Variants in FETUB observed in about 807,000 individuals in gnomAD.
The protein encoded by FETUB is fetuin B.
In FETUB, 28 loss-of-function variants were observed where a neutral mutation model predicts 30.9. That is an observed-to-expected ratio of 0.90 (90% CI 0.67 to 1.24). The LOEUF is 1.24. Among genes scored for constraint, FETUB ranks in the 50% most tolerant of loss-of-function variants. The pLI is 0.00. For synonymous variants in FETUB, 186 were observed against 175.9 expected, an observed-to-expected ratio of 1.06 and a Z score of -0.45; for missense variants, 469 against 455.3, an observed-to-expected ratio of 1.03 and a Z score of -0.27.
chr3:186,637,285 A>G (rs1168167174), upstream of FETUB, among the ~76,000 whole-genome samples: 1 of 152,194 alleles, frequency 6.6e-6, no homozygotes, highest in African/African-American at 2.4e-5. Context: ...GAAAGGGAAG[A>G]GAGAGAGAAA....
intron 3 of FETUB, among the ~76,000 whole-genome samples, 199 bp downstream of exon 3, chr3:186,642,757 T>G (rs1261061689): frequency 6.6e-6 from 1 of 152,260 alleles, no homozygotes; most frequent in Non-Finnish European, 1.5e-5. Context: ...TTAATCTTAC[T>G]AAACTACCTC....
At chr3:186,650,524 C>T (rs1212316872) in intron 5 of FETUB, among the ~76,000 whole-genome samples, 1 of 151,990 alleles carries the variant, frequency 6.6e-6, no homozygotes, top group Non-Finnish European at 1.5e-5. Context: ...ATTTTAAAAA[C>T]CCTAGAAGAT....
upstream of FETUB, among the ~76,000 whole-genome samples, chr3:186,637,146 C>T (rs1160192105): frequency 6.6e-6 from 1 of 152,176 alleles, no homozygotes; most frequent in Non-Finnish European, 1.5e-5. Flanking sequence ...AGAGAAGGAA[C>T]ACAGAGTGTT....
intron 5 of FETUB, among the ~76,000 whole-genome samples, chr3:186,650,087 A>G (rs932772863): frequency 7.5e-6 from 1 of 132,508 alleles, no homozygotes; most frequent in Admixed American, 9.4e-5. Context: ...TCGGCTTCAC[A>G]TATTTGCTAT....
At position 186,651,201 on chromosome 3, in the gene FETUB, T is replaced by C. The variant is rs1256579853; in HGVS notation, c.697-17T>C. 2 of 1,567,808 alleles carry C rather than the reference T, an allele frequency of 1.3e-6. No individual in the cohort carries two copies. The highest frequency in any genetic ancestry group is 2.2e-5 in the East Asian group (1 of 44,642). On this transcript the variant is annotated splice_polypyrimidine_tract_variant and intron_variant, in intron 5 of 6. Coordinates refer to ENST00000265029, the MANE Select transcript of FETUB (RefSeq NM_014375.3). ...ATCACTGGTAATACTCACATGACAT[T>C]GTATTTTCTCTTTTAGCCTGTTGGT...
intron 5 of FETUB, among the ~76,000 whole-genome samples, chr3:186,649,396 C>A (rs930813627): frequency 1.3e-5 from 2 of 152,042 alleles, no homozygotes; most frequent in Non-Finnish European, 2.9e-5. Flanking sequence ...TATTGCATAG[C>A]GGTGAAGTCT....
chr3:186,637,977 CA>C (rs1716824174), upstream of FETUB, among the ~76,000 whole-genome samples: 1 of 152,178 alleles, frequency 6.6e-6, no homozygotes, highest in Non-Finnish European at 1.5e-5. Context: ...GTGGCTACTC[CA>C]AATTGGGGTA....
At chr3:186,651,663 CTTA>C (rs1326680406) in intron 6 of FETUB, 5 of 243,862 alleles carry the variant, frequency 2.1e-5, no homozygotes, top group Non-Finnish European at 3.2e-5. Context: ...TTATTGCGCA[CTTA>C]TTATAAGGTA....
chr3:186,638,027 C>T (rs557068647), upstream of FETUB, among the ~76,000 whole-genome samples: 22 of 152,194 alleles, frequency 1.4e-4, no homozygotes, highest in Admixed American at 9.2e-4. Flanking sequence ...CTGTGCCTTT[C>T]ATAATTTTTA....
chr3:186,645,032 A>C, intron 4 of FETUB, 112 bp downstream of exon 4: 1 of 753,682 alleles, frequency 1.3e-6, no homozygotes, highest in Non-Finnish European at 2.1e-6. Flanking sequence ...GAACCAAAAT[A>C]CCTTTCTCTA....
chr3:186,637,260 A>G (rs985765528), upstream of FETUB, among the ~76,000 whole-genome samples: 1 of 152,190 alleles, frequency 6.6e-6, no homozygotes, highest in African/African-American at 2.4e-5. Context: ...TGGAAGGAAG[A>G]AAAGATAAAG....
Position 186,651,441 on chromosome 3 carries a change from C to T in FETUB, c.780+140C>T, listed in dbSNP as rs969800810. ...GCGCAGGCTAGCCTGAGTCCACATC[C>T]ACAGGATAGCCAGTCAAAGACCTGT... On this transcript the variant is annotated intron_variant, in intron 6 of 6. Transcript: ENST00000265029. 1.2e-4 allele frequency: 76 copies of T among 660,254 alleles called. No individual in the cohort carries two copies. The African/African-American group carries it at 1.2e-3, about 10-fold the overall frequency. 40.9% of individuals were successfully genotyped at this position (660,254 alleles called of 1,614,324 possible). A position where few individuals can be genotyped will look rare whatever the true frequency, so the allele number is the denominator to read the frequency against.
chr3:186,637,818 T>A (rs1379638017), upstream of FETUB, among the ~76,000 whole-genome samples: 7 of 152,246 alleles, frequency 4.6e-5, no homozygotes, highest in African/African-American at 1.4e-4. Context: ...CACCTTTGCA[T>A]ACTTCCCCTG....
At chr3:186,636,399 C>G (rs1716773709), upstream of FETUB, among the ~76,000 whole-genome samples, 1 of 152,210 alleles carries the variant, frequency 6.6e-6, no homozygotes, top group African/African-American at 2.4e-5. Flanking sequence ...ATGTGAGAAA[C>G]ACATCCTTGG....
rs780858336 is a variant in FETUB at position 186,652,514 on chromosome 3, C to T, written c.1032C>T (p.Leu344=). 5 of 1,614,112 alleles carry T rather than the reference C, an allele frequency of 3.1e-6. No homozygotes were observed. The highest frequency in any genetic ancestry group is 2.5e-6 in the Non-Finnish European group (3 of 1,180,052). The change falls in exon 7 of 7, where the codon CTC becomes CTT. Residue 344 remains leucine, a synonymous_variant. Coordinates refer to ENST00000265029, the MANE Select transcript of FETUB (RefSeq NM_014375.3). ...PQGETLDISF[L]FLEPMEEKLV... ...GAGAAACCCTGGATATTTCCTTCCT[C>T]TTCCTGGAGCCTATGGAGGAGAAGC...
rs1301783778 is a variant in FETUB, at chr3:186,651,284, G to A, written c.763G>A (p.Asp255Asn). The A allele has an allele frequency of 5.6e-6, 9 of 1,611,674 alleles. No individual in the cohort carries two copies. Among genetic ancestry groups the A allele is most frequent in the Non-Finnish European group, 6.8e-6 (8 of 1,177,946 alleles). The change falls in exon 6 of 7, where the codon GAC (aspartate) becomes AAC (asparagine). Residue 255 changes from aspartate to asparagine, a missense_variant. Physicochemically the swap from Asp to Asn is conservative, Grantham distance 23. Coordinates refer to ENST00000265029, the MANE Select transcript of FETUB (RefSeq NM_014375.3). ...HWEKFVSVTCDFFESQAPATG... is the reference protein window; with the variant it reads ...HWEKFVSVTCNFFESQAPATG... ...GGAAAAGTTTGTCTCTGTGACTTGT[G>A]ACTTCTTTGAATCACAGGTATTTTT...
At chr3:186,637,621 G>A (rs930351297), upstream of FETUB, among the ~76,000 whole-genome samples, 10 of 152,168 alleles carry the variant, frequency 6.6e-5, no homozygotes, top group Non-Finnish European at 1.5e-4. Context: ...AATCAGCCTT[G>A]TTTCTCCCAA....
chr3:186,646,909 G>A (rs943635050), intron 5 of FETUB: 1 of 152,210 alleles, frequency 6.6e-6, no homozygotes, highest in African/African-American at 2.4e-5. Flanking sequence ...GTAGTTTTTA[G>A]TATGTTCACA....
chr3:186,645,107 G>A (rs756739630), intron 4 of FETUB, among the ~76,000 whole-genome samples, 187 bp downstream of exon 4: 9 of 152,134 alleles, frequency 5.9e-5, no homozygotes, highest in Non-Finnish European at 1.3e-4. Flanking sequence ...TGATTCCATG[G>A]CATTTCTACA....
Sources: allele counts gnomAD v4.1 joint callset (sites outside exome capture counted in the v4.1 genomes callset), GRCh38; gene constraint gnomAD v4.1.1; transcripts MANE v1.5; gene names NCBI Gene and HGNC (gene_info 2026-07-23, HGNC 2026-07-21).